Variants in FLNB observed in about 807,000 individuals in gnomAD.
FLNB encodes filamin-B.
Under a neutral mutation model 250.6 loss-of-function variants are expected in FLNB, and 111 were observed. That is an observed-to-expected ratio of 0.44 (90% CI 0.38 to 0.52). FLNB has a LOEUF of 0.52. FLNB is among the 20% of genes least tolerant of loss of function. FLNB has a pLI of 0.00. For missense variants in FLNB, 2,869 were observed against 3,447.8 expected (o/e 0.83, Z 4.20); for synonymous variants, 1,302 against 1,372.1 (o/e 0.95, Z 1.13).
At chr3:58,076,497 C>T (rs2097201844) in intron 1 of FLNB, among the ~76,000 whole-genome samples, 1 of 152,140 alleles carries the variant, frequency 6.6e-6, no homozygotes, top group African/African-American at 2.4e-5. Context: ...CTCTGTTGCC[C>T]AGGCTGGAGT....
At chr3:58,168,164 C>T (rs892282831) in intron 43 of FLNB, among the ~76,000 whole-genome samples, 3 of 152,246 alleles carry the variant, frequency 2.0e-5, no homozygotes, top group East Asian at 1.9e-4. Flanking sequence ...CACAATGGCT[C>T]ATGCCCAGAG....
intron 24 of FLNB, among the ~76,000 whole-genome samples, chr3:58,127,778 C>T (rs2097300360): frequency 6.6e-6 from 1 of 152,214 alleles, no homozygotes; most frequent in Admixed American, 6.5e-5. Flanking sequence ...GACCCTCCTC[C>T]ATTTGTTTTG....
In FLNB at chr3:58,164,937, C is replaced by T. The variant is rs975235374; in HGVS notation, c.7198+1607C>T. 6 of 152,466 alleles carry T rather than the reference C, an allele frequency of 3.9e-5. No homozygotes were observed. The highest frequency in any genetic ancestry group is 1.4e-4 in the African/African-American group (6 of 41,464). 9.4% of individuals were successfully genotyped at this position (152,466 alleles called of 1,614,324 possible). A position where few individuals can be genotyped will look rare whatever the true frequency, so the allele number is the denominator to read the frequency against. On this transcript the variant is annotated intron_variant, in intron 43 of 45. Transcript: ENST00000295956. The surrounding 1 kb of genome is among the most constrained non-coding windows in gnomAD (Gnocchi z 4.0). Reference sequence around the variant, plus strand: ...GCTGAACCCCCGAGCTTGGCCCCCTCTCTAAGTGGCTGGCTCACCCAGAGG... The same window carrying T: ...GCTGAACCCCCGAGCTTGGCCCCCTTTCTAAGTGGCTGGCTCACCCAGAGG...
rs1215113135 is a variant in FLNB, at chr3:58,125,594, G to T, written c.3912G>T (p.Val1304=). The T allele has an allele frequency of 8.7e-6, 14 of 1,614,080 alleles. No individual in the cohort carries two copies. In the Admixed American group the frequency reaches 2.3e-4, roughly 27 times the overall value. The change falls in exon 23 of 46, where the codon GTG becomes GTT. Residue 1304 remains valine, a synonymous_variant. Transcript: ENST00000295956. The part of the protein sequence containing the change: ...YTPFEKGLHV[V]EVTYDDVPIP... ...TGTTTTGAGCAGGTCTCCATGTAGT[G>T]GAGGTGACATATGATGACGTGCCTA...
chr3:58,123,139 C>A lies in FLNB; in HGVS notation c.3173C>A (p.Pro1058His), dbSNP rs1274949470. The A allele has an allele frequency of 6.2e-7, 1 of 1,614,190 alleles. No homozygotes were observed. Among genetic ancestry groups the A allele is most frequent in the Admixed American group, 1.7e-5 (1 of 60,028 alleles). The change falls in exon 21 of 46, where the codon CCT becomes CAT. Residue 1058 changes from proline to histidine, a missense_variant. Pro to His is a moderately conservative substitution (Grantham distance 77, BLOSUM62 -2). Coordinates refer to ENST00000295956, the MANE Select transcript of FLNB (RefSeq NM_001457.4). Reference sequence around the variant, plus strand: ...CTCGAAGGTGGTCTCGTGGGCAAGCCTGCCGAGTTCACCATCGATACCAAA... The same window carrying A: ...CTCGAAGGTGGTCTCGTGGGCAAGCATGCCGAGTTCACCATCGATACCAAA... ...PGLEGGLVGKPAEFTIDTKGA... is the reference protein window; with the variant it reads ...PGLEGGLVGKHAEFTIDTKGA...
At chr3:58,037,879 T>A (rs1304127835) in intron 1 of FLNB, among the ~76,000 whole-genome samples, 2 of 152,128 alleles carry the variant, frequency 1.3e-5, no homozygotes, top group African/African-American at 4.8e-5. Context: ...AAAGAACAGG[T>A]AACTAGGCTT....
chr3:58,082,639 C>T (rs1372626744), intron 4 of FLNB, among the ~76,000 whole-genome samples: 3 of 151,830 alleles, frequency 2.0e-5, no homozygotes, highest in Non-Finnish European at 4.4e-5. Flanking sequence ...GGCATGGTGG[C>T]GGGTGCCTGT....
intron 4 of FLNB, 90 bp downstream of exon 4, chr3:58,081,866 C>G: frequency 7.1e-7 from 1 of 1,405,628 alleles, no homozygotes; most frequent in Admixed American, 1.7e-5. Context: ...TTCTTAGAAT[C>G]AAAAATAGAT....
chr3:58,078,854 C>T (rs374310262), intron 3 of FLNB, 40 bp downstream of exon 3: 30 of 1,502,340 alleles, frequency 2.0e-5, no homozygotes, highest in South Asian at 1.7e-4. Context: ...GCTGCCCCCA[C>T]CCACTAGCTT....
At chr3:58,060,324 C>T (rs1559664657) in intron 1 of FLNB, among the ~76,000 whole-genome samples, 1 of 150,426 alleles carries the variant, frequency 6.6e-6, no homozygotes, top group Admixed American at 6.6e-5. Flanking sequence ...TGAGATCAGC[C>T]TGGGCAACAT....
At chr3:58,010,715 G>A (rs140847097) in intron 1 of FLNB, among the ~76,000 whole-genome samples, 3 of 152,106 alleles carry the variant, frequency 2.0e-5, no homozygotes, top group South Asian at 2.1e-4. Context: ...ATCCAAATAC[G>A]ACATGAAATC....
chr3:58,129,818 C>T (rs538393794), intron 24 of FLNB, among the ~76,000 whole-genome samples: 61 of 152,316 alleles, frequency 4.0e-4, no homozygotes, highest in African/African-American at 1.4e-3. Flanking sequence ...TGGTGATGGG[C>T]GTGGTAGCCT....
rs138574525 is a variant in FLNB, at chr3:58,012,641, C to T, written c.292+3785C>T. Among the ~76,000 whole-genome samples the T allele has an allele frequency of 5.0e-3, 766 of 152,284 alleles. 4 individuals are homozygous for T. Among genetic ancestry groups the T allele is most frequent in the Non-Finnish European group, 8.0e-3 (547 of 68,018 alleles). ...TTCCATGATTGGCAGGATGAATCCTCTGGGCTGTGATGAAGGTCTCACAAG... is the reference window on the plus strand; with the variant it reads ...TTCCATGATTGGCAGGATGAATCCTTTGGGCTGTGATGAAGGTCTCACAAG... On this transcript the variant is annotated intron_variant, in intron 1 of 45. Transcript: ENST00000295956.
chr3:58,116,020 C>T (rs1215756819), intron 18 of FLNB, among the ~76,000 whole-genome samples: 7 of 151,992 alleles, frequency 4.6e-5, no homozygotes, highest in Admixed American at 3.9e-4. Context: ...AGAGCCTGGC[C>T]CTATAAGTGC....
At chr3:58,029,145 C>T (rs568438840) in intron 1 of FLNB, among the ~76,000 whole-genome samples, 1 of 151,640 alleles carries the variant, frequency 6.6e-6, no homozygotes, top group South Asian at 2.1e-4. Flanking sequence ...CCATCTTAAC[C>T]CTTTATGTAG....
intron 29 of FLNB, among the ~76,000 whole-genome samples, chr3:58,140,190 G>C (rs1196943338): frequency 6.6e-6 from 1 of 152,142 alleles, no homozygotes; most frequent in African/African-American, 2.4e-5. Context: ...GCCAAAAAAG[G>C]ACACCGACCA....
intron 18 of FLNB, among the ~76,000 whole-genome samples, chr3:58,118,155 C>T (rs1449109292): frequency 1.3e-5 from 2 of 152,212 alleles, no homozygotes; most frequent in Non-Finnish European, 2.9e-5. Flanking sequence ...CTATCGCGTG[C>T]CACCCGGCCA....
Position 58,118,880 on chromosome 3 carries a change from G to T in FLNB, c.2754G>T (p.Met918Ile), listed in dbSNP as rs543269484. The change falls in exon 19 of 46, where the codon ATG (methionine) becomes ATT (isoleucine). Residue 918 changes from methionine (M) to isoleucine (I), a missense_variant. Transcript: ENST00000295956. Reference protein sequence around the residue: ...VKYTPTQQGNMQVLVTYGGDP... With the variant: ...VKYTPTQQGNIQVLVTYGGDP... ...TTTCTCTCTTGTTCCAGGGCAACAT[G>T]CAGGTTCTGGTGACTTACGGTGGCG... The T allele has an allele frequency of 6.2e-7, 1 of 1,613,628 alleles. No homozygotes were observed. The highest frequency in any genetic ancestry group is 1.3e-5 in the African/African-American group (1 of 75,018).
Position 58,008,448 on chromosome 3 carries a change from A to C in FLNB, c.-117A>C. On this transcript the variant is annotated 5_prime_UTR_variant, in exon 1 of 46. Transcript: ENST00000295956. ...GAGCAGCACCGGCCGTGGCTCCGGT[A>C]GCAGCAAGTTCGAACCCCGCTCCCG... 1 of 1,229,576 alleles carries C rather than the reference A, an allele frequency of 8.1e-7. No homozygotes were observed. The highest frequency in any genetic ancestry group is 1.2e-6 in the Non-Finnish European group (1 of 863,356). The allele number at this position is 1,229,576 out of a possible 1,614,324, so 76.2% of individuals were successfully genotyped here.
Sources: gnomAD v4.1 joint callset for allele counts (sites outside exome capture counted in the v4.1 genomes callset) on GRCh38, gnomAD v4.1.1 for gene constraint, Gnocchi (gnomAD v3.1) non-coding constraint, MANE v1.5 for transcripts, NCBI Gene and HGNC (gene_info 2026-07-23, HGNC 2026-07-21) for gene names.